PDXDC1: variants seen among roughly 807,000 people sequenced by gnomAD.
PDXDC1 encodes pyridoxal dependent decarboxylase domain containing 1.
A neutral mutation model predicts 100.1 loss-of-function variants in PDXDC1; 42 were observed. The observed-to-expected ratio is 0.42, with a 90% CI of 0.33 to 0.54. The LOEUF is 0.54. Among genes scored for constraint, PDXDC1 ranks in the 20% least tolerant of loss-of-function variants. The pLI, the probability that PDXDC1 is intolerant of heterozygous loss-of-function variation, is 0.10. For missense variants in PDXDC1, 636 were observed against 979.2 expected (o/e 0.65, Z 4.68); for synonymous variants, 260 against 371.7 (o/e 0.70, Z 3.46).
chr16:15,058,428 A>C (rs2044601223), intron 16 of PDXDC1, among the ~76,000 whole-genome samples: 1 of 152,242 alleles, frequency 6.6e-6, no homozygotes, highest in African/African-American at 2.4e-5. Context: ...AATATTTTTT[A>C]AATTACACTT....
chr16:15,011,052 C>T (rs1339066886), intron 8 of PDXDC1, among the ~76,000 whole-genome samples: 5 of 152,286 alleles, frequency 3.3e-5, no homozygotes, highest in East Asian at 1.9e-4. Flanking sequence ...CAGCAGGCTA[C>T]AATTTCTTAA....
At chr16:15,100,726 C>A (rs1209429182) in intron 16 of PDXDC1, among the ~76,000 whole-genome samples, 2 of 152,168 alleles carry the variant, frequency 1.3e-5, no homozygotes, top group Non-Finnish European at 2.9e-5. Flanking sequence ...CACCTGTGGT[C>A]CCAGCTATAT....
At chr16:14,977,310 C>G (rs570376377) in intron 1 of PDXDC1, among the ~76,000 whole-genome samples, 5 of 118,554 alleles carry the variant, frequency 4.2e-5, no homozygotes, top group South Asian at 2.9e-4. Flanking sequence ...GAGGGAGTCT[C>G]GGTCTCTTGC....
At chr16:15,065,539 G>A (rs1397742106) in intron 16 of PDXDC1, among the ~76,000 whole-genome samples, 10 of 152,104 alleles carry the variant, frequency 6.6e-5, no homozygotes, top group African/African-American at 2.2e-4. Context: ...TTAGGGTACC[G>A]TTCTATGGGT....
intron 1 of PDXDC1, among the ~76,000 whole-genome samples, chr16:14,982,682 T>C (rs1203453934): frequency 2.0e-5 from 3 of 152,290 alleles, no homozygotes; most frequent in Admixed American, 6.5e-5. Context: ...TACAAGTCAC[T>C]GTATCAGCTT....
At chr16:14,988,309 C>T (rs1209110329) in intron 1 of PDXDC1, 31 of 1,613,712 alleles carry the variant, frequency 1.9e-5, no homozygotes, top group Non-Finnish European at 2.5e-5. Context: ...GCTCCAGGCC[C>T]ACAGTACTCG....
At chr16:15,117,732 AT>A (rs1372930487) in intron 16 of PDXDC1, among the ~76,000 whole-genome samples, 3 of 109,934 alleles carry the variant, frequency 2.7e-5, no homozygotes, top group African/African-American at 1.1e-4. Flanking sequence ...GCTTCCTCCA[AT>A]TTATACCAAA....
intron 16 of PDXDC1, chr16:15,133,478 G>A (rs886341330): frequency 1.1e-5 from 9 of 836,222 alleles, no homozygotes; most frequent in Middle Eastern, 3.3e-4. Context: ...GCCCTCCCAC[G>A]GCCTGGCTCA....
intron 11 of PDXDC1, among the ~76,000 whole-genome samples, chr16:15,017,943 C>T (rs1367360886): frequency 6.6e-5 from 10 of 152,178 alleles, no homozygotes; most frequent in Non-Finnish European, 1.0e-4. Context: ...TACAGGCATG[C>T]GCCACCACGC....
intron 15 of PDXDC1, chr16:15,029,520 G>C: frequency 2.9e-6 from 1 of 347,182 alleles, no homozygotes; most frequent in African/African-American, 2.1e-5. Context: ...AGAGACCACA[G>C]AGCTGAGTGT....
At chr16:14,984,489 A>ATTT (rs1968831483) in intron 1 of PDXDC1, among the ~76,000 whole-genome samples, 1 of 87,624 alleles carries the variant, frequency 1.1e-5, no homozygotes, top group African/African-American at 4.0e-5. Context: ...ATATATATAT[A>ATTT]TATATATTTT....
rs562108320 is a variant in PDXDC1 at position 15,098,799 on chromosome 16, A to T, written c.1400-40080A>T. Among the ~76,000 whole-genome samples the T allele has an allele frequency of 1.3e-3, 199 of 151,122 alleles. 1 individual carries two copies. The highest frequency in any genetic ancestry group is 2.0e-3 in the Non-Finnish European group (134 of 67,738). On this transcript the variant is annotated intron_variant, in intron 16 of 16. Transcript: ENST00000535621. ...AGGCTGAGGCAGGAGAATCACTTGA[A>T]CCTGGGAGGCAGAGGTTGCAGTGAG... is the stretch of plus-strand genomic sequence containing the variant.
At chr16:15,127,446 C>G in intron 16 of PDXDC1, 1 of 1,533,552 alleles carries the variant, frequency 6.5e-7, no homozygotes, top group Non-Finnish European at 8.8e-7. Flanking sequence ...TCCCAGTACT[C>G]CCCGGTCCCC....
chr16:15,045,120 T>A (rs1396243827), intron 16 of PDXDC1: 2 of 112,696 alleles, frequency 1.8e-5, no homozygotes, highest in East Asian at 5.2e-4. Flanking sequence ...TAAGACTCTA[T>A]CTCAAAAAAA....
chr16:15,065,947 T>C (rs960041957), intron 16 of PDXDC1, among the ~76,000 whole-genome samples: 5 of 152,260 alleles, frequency 3.3e-5, no homozygotes, highest in African/African-American at 4.8e-5. Flanking sequence ...GTTAAATGCA[T>C]AGAAGAAAAC....
At chr16:15,083,450 T>C in intron 16 of PDXDC1, 1 of 1,598,806 alleles carries the variant, frequency 6.3e-7, no homozygotes, top group Non-Finnish European at 8.5e-7. Context: ...AGACCTAATA[T>C]CATCTAAAAT....
chr16:15,148,295 G>A, the PDXDC1 span, among the ~76,000 whole-genome samples: 11 of 149,978 alleles, frequency 7.3e-5, no homozygotes, highest in African/African-American at 2.7e-4. Flanking sequence ...CATGACTAAT[G>A]AGGCCGACCA....
rs936906252 is a variant in PDXDC1, at chr16:15,006,457, G to T, written c.453G>T (p.Arg151Ser). ...EEREGLAKIC[R>S]LAIHSRYEDF... The stretch of plus-strand genomic sequence containing the variant: ...GAGAAGGACTTGCAAAGATATGTAG[G>T]CTTGCCATTCATTCTCGATATGAAG... The change falls in exon 6 of 23, where the codon AGG becomes AGT. Residue 151 changes from arginine (R) to serine (S), a missense_variant. This residue lies in a region of PDXDC1 where 125 missense variants were observed against 479.9 expected (regional missense o/e 0.26). Coordinates refer to ENST00000396410, the MANE Select transcript of PDXDC1 (RefSeq NM_015027.4). 3 of 1,609,878 alleles carry T rather than the reference G, an allele frequency of 1.9e-6. No individual in the cohort carries two copies. Among genetic ancestry groups the T allele is most frequent in the Non-Finnish European group, 2.5e-6 (3 of 1,176,800 alleles).
intron 16 of PDXDC1, chr16:15,128,035 C>A (rs767691584): frequency 6.2e-7 from 1 of 1,601,692 alleles, no homozygotes. Flanking sequence ...CGTTGGCCTC[C>A]GTCTCCACCG....
Sources: gnomAD v4.1 joint callset for allele counts (sites outside exome capture counted in the v4.1 genomes callset) on GRCh38, gnomAD v4.1.1 for gene constraint, gnomAD v4.1.1 regional missense constraint, MANE v1.5 for transcripts, NCBI Gene and HGNC (gene_info 2026-07-23, HGNC 2026-07-21) for gene names.